The following FGD3 variants were observed in gnomAD, a reference collection of about 807,000 sequenced individuals.
The protein encoded by FGD3 is FYVE, RhoGEF and PH domain containing 3.
A neutral mutation model predicts 71.8 loss-of-function variants in FGD3; 45 were observed. The ratio of observed to expected loss-of-function variants is 0.63; its 90% CI spans 0.49 to 0.80. FGD3 has a LOEUF of 0.80. Ranked by LOEUF, FGD3 falls within the 30% of genes least tolerant of loss-of-function variation. The pLI, the probability that FGD3 is intolerant of heterozygous loss-of-function variation, is 0.00. For missense variants in FGD3, 844 were observed against 951.5 expected, an observed-to-expected ratio of 0.89 and a Z score of 1.49; for synonymous variants, 378 against 392.8, an observed-to-expected ratio of 0.96 and a Z score of 0.44.
intron 1 of FGD3, chr9:92,964,073 T>A (rs182453050): frequency 6.6e-6 from 1 of 152,596 alleles, no homozygotes; most frequent in East Asian, 1.9e-4. Context: ...AGCAGCCCTG[T>A]TAACCTTTAA....
intron 14 of FGD3, among the ~76,000 whole-genome samples, chr9:93,028,995 GTTTTTTTTTTTTTTTTTTT>G (rs869235976): frequency 4.4e-4 from 23 of 51,746 alleles, no homozygotes; most frequent in South Asian, 9.4e-4. Flanking sequence ...TGTCCTCACA[GTTTTTTTTTTTTTTTTTTT>G]TTTTTTTTTT....
intron 14 of FGD3, among the ~76,000 whole-genome samples, chr9:93,024,455 G>C (rs1449865985): frequency 6.6e-6 from 1 of 152,226 alleles, no homozygotes; most frequent in East Asian, 1.9e-4. Flanking sequence ...TATGAACTTG[G>C]CTGGCCTCTG....
chr9:92,991,703 T>C (rs1860418711), intron 3 of FGD3, among the ~76,000 whole-genome samples: 1 of 152,192 alleles, frequency 6.6e-6, no homozygotes, highest in South Asian at 2.1e-4. Flanking sequence ...CTGATGTGTC[T>C]TTGATTTTCT....
At chr9:93,021,214 C>T (rs1232956321) in intron 13 of FGD3, among the ~76,000 whole-genome samples, 1 of 152,202 alleles carries the variant, frequency 6.6e-6, no homozygotes, top group Non-Finnish European at 1.5e-5. Flanking sequence ...GATGGTGGCT[C>T]AGAGCCCCTT....
chr9:93,011,419 G>A (rs1861371341), intron 8 of FGD3, 147 bp downstream of exon 8: 1 of 927,604 alleles, frequency 1.1e-6, no homozygotes, highest in South Asian at 1.5e-5. Flanking sequence ...CATCCCCAGG[G>A]GGGTCAGCTG....
At chr9:92,984,320 C>A (rs1009885492) in intron 3 of FGD3, among the ~76,000 whole-genome samples, 10 of 152,222 alleles carry the variant, frequency 6.6e-5, no homozygotes, top group African/African-American at 2.2e-4. Context: ...CCTTTTCATG[C>A]AAAATCACTT....
chr9:92,970,651 C>T (rs568736043), intron 1 of FGD3, among the ~76,000 whole-genome samples: 3 of 152,312 alleles, frequency 2.0e-5, no homozygotes, highest in East Asian at 1.9e-4. Flanking sequence ...CTATTTTGCT[C>T]GATGGGGAGT....
At chr9:93,027,823 G>T (rs755192816) in intron 14 of FGD3, among the ~76,000 whole-genome samples, 1 of 145,904 alleles carries the variant, frequency 6.9e-6, no homozygotes, top group African/African-American at 2.5e-5. Flanking sequence ...AGGCTCAAGC[G>T]ATCCTCCTAC....
rs761872378 is a variant in FGD3 at position 93,020,380 on chromosome 9, G to A, written c.1450G>A (p.Ala484Thr). ...CGAAACCTTCAAGGCTTTTGGTGGC[G>A]CCTTCAGCCAGGATGAGGACCCCAG... ...NSETFKAFGG[A>T]FSQDEDPSLS... Residue 484 changes from alanine (A) to threonine (T), a missense_variant, in exon 13 of 18, where the codon GCC becomes ACC. Transcript: ENST00000375482. The A allele has an allele frequency of 1.4e-5, 23 of 1,613,590 alleles. No homozygotes were observed. Among genetic ancestry groups the A allele is most frequent in the Middle Eastern group, 1.7e-4 (1 of 6,058 alleles).
At chr9:92,977,919 A>C (rs1237401962) in intron 3 of FGD3, among the ~76,000 whole-genome samples, 1 of 152,126 alleles carries the variant, frequency 6.6e-6, no homozygotes, top group Non-Finnish European at 1.5e-5. Flanking sequence ...GACAGAATAG[A>C]CTCTGTGGCA....
At chr9:92,985,491 G>GT (rs899792140) in intron 3 of FGD3, among the ~76,000 whole-genome samples, 2 of 152,146 alleles carry the variant, frequency 1.3e-5, no homozygotes, top group African/African-American at 2.4e-5. Flanking sequence ...TTATTTGTTT[G>GT]TTTTTTGACA....
chr9:92,954,086 A>AT (rs1859006655), intron 1 of FGD3, among the ~76,000 whole-genome samples: 1 of 152,190 alleles, frequency 6.6e-6, no homozygotes, highest in African/African-American at 2.4e-5. Flanking sequence ...CAAGAAGCAA[A>AT]TGAAAATTCC....
At chr9:92,961,103 T>A (rs1021037538) in intron 1 of FGD3, among the ~76,000 whole-genome samples, 3 of 152,026 alleles carry the variant, frequency 2.0e-5, no homozygotes, top group Non-Finnish European at 4.4e-5. Context: ...CACAGGCCCC[T>A]CTGGGTCCTG....
intron 1 of FGD3, among the ~76,000 whole-genome samples, chr9:92,961,886 G>A (rs1166029246): frequency 2.6e-5 from 4 of 152,196 alleles, no homozygotes; most frequent in East Asian, 1.9e-4. Flanking sequence ...GAGTGATTCA[G>A]CAAGGAAAGG....
At chr9:92,952,442 T>A (rs931737501) in intron 1 of FGD3, among the ~76,000 whole-genome samples, 2 of 151,996 alleles carry the variant, frequency 1.3e-5, no homozygotes, top group African/African-American at 4.8e-5. Flanking sequence ...TTTCACCGTG[T>A]TAGCCAGGAT....
intron 3 of FGD3, among the ~76,000 whole-genome samples, chr9:92,995,619 A>C (rs1333304312): frequency 1.3e-5 from 2 of 151,858 alleles, no homozygotes; most frequent in East Asian, 3.8e-4. Context: ...GTTTGTCATA[A>C]ATAGCTCTTA....
intron 17 of FGD3, 34 bp from the exon 18 acceptor site, chr9:93,035,304 G>A (rs1415448243): frequency 1.3e-6 from 2 of 1,593,784 alleles, no homozygotes; most frequent in South Asian, 1.1e-5. Context: ...CCGGGAAGCT[G>A]TGGCCCCGCT....
chr9:93,015,660 A>G (rs1861647560), intron 9 of FGD3, 77 bp from the exon 10 acceptor site: 1 of 955,852 alleles, frequency 1.0e-6, no homozygotes, highest in South Asian at 1.3e-5. Flanking sequence ...AAAGGATCCC[A>G]TGTGAGAAGC....
intron 1 of FGD3, among the ~76,000 whole-genome samples, chr9:92,953,962 G>A (rs1442402278): frequency 6.6e-6 from 1 of 152,128 alleles, no homozygotes; most frequent in Non-Finnish European, 1.5e-5. Flanking sequence ...AATAGTTCCC[G>A]GCTGGGAATC....
Sources: gnomAD v4.1 joint callset for allele counts (sites outside exome capture counted in the v4.1 genomes callset) on GRCh38, gnomAD v4.1.1 for gene constraint, MANE v1.5 for transcripts, NCBI Gene and HGNC (gene_info 2026-07-23, HGNC 2026-07-21) for gene names.